CYSTM1: variants seen among roughly 807,000 people sequenced by gnomAD.
CYSTM1 encodes cysteine rich transmembrane module containing 1, also known as cysteine-rich transmembrane module-containing protein 1.
In CYSTM1, 4 loss-of-function variants were observed where a neutral mutation model predicts 13.1. The ratio of observed to expected loss-of-function variants is 0.31; its 90% CI spans 0.15 to 0.70. CYSTM1 has a LOEUF of 0.70. Among genes scored for constraint, CYSTM1 ranks in the 30% least tolerant of loss-of-function variants. The pLI, the probability that CYSTM1 is intolerant of heterozygous loss-of-function variation, is 0.72. For synonymous variants in CYSTM1, 36 were observed against 42.7 expected, an observed-to-expected ratio of 0.84 and a Z score of 0.62; for missense variants, 96 against 121.6, an observed-to-expected ratio of 0.79 and a Z score of 0.99.
At chr5:140,233,034 A>C (rs1483061662) in intron 2 of CYSTM1, among the ~76,000 whole-genome samples, 2 of 152,146 alleles carry the variant, frequency 1.3e-5, no homozygotes, top group Non-Finnish European at 2.9e-5. Flanking sequence ...CATGACCACC[A>C]TTACAGATTT....
chr5:140,233,226 CAGG>C (rs1764637215), intron 2 of CYSTM1, among the ~76,000 whole-genome samples: 1 of 152,192 alleles, frequency 6.6e-6, no homozygotes, highest in Non-Finnish European at 1.5e-5. Context: ...CATTTGGCCA[CAGG>C]AGATTTGGGA....
chr5:140,226,505 A>ATATTTATATATATATAATATATAT (rs1491024017), intron 2 of CYSTM1, among the ~76,000 whole-genome samples: 68 of 80,444 alleles, frequency 8.5e-4, no homozygotes, highest in African/African-American at 2.7e-3. Context: ...AATATATATA[A>ATATTTATATATATATAATATATAT]ATATATATTA....
At position 140,188,778 on chromosome 5, in the gene CYSTM1, C is replaced by CAAA. The variant is rs34915397; in HGVS notation, c.-20-5652_-20-5650dup. On this transcript the variant is annotated intron_variant, in intron 1 of 2. Coordinates refer to ENST00000261811, the MANE Select transcript of CYSTM1 (RefSeq NM_032412.4). ...TGGGTGGAAGAGCGAGACTCCGTCT[C>CAAA]AAAAAAAAAAAAAAAAAAGAAATAC... Among the ~76,000 whole-genome samples the CAAA allele has an allele frequency of 1.6e-3, 183 of 113,218 alleles. 3 individuals are homozygous for CAAA. The East Asian group carries it at 0.017, about 11-fold the overall frequency. 74.3% of individuals were successfully genotyped at this position (113,218 alleles called of 152,430 possible).
chr5:140,184,094 T>TAATATA (rs3083573), intron 1 of CYSTM1, among the ~76,000 whole-genome samples: 117,129 of 151,574 alleles, frequency 0.77, 45,707 homozygotes, highest in African/African-American at 0.86. Context: ...AAAGTATGTA[T>TAATATA]AATGTACAGT....
At position 140,237,457 on chromosome 5, in the gene CYSTM1, C is replaced by T. The variant is rs867730330; in HGVS notation, c.188-5848C>T. On this transcript the variant is annotated intron_variant, in intron 2 of 2. Coordinates refer to ENST00000261811, the MANE Select transcript of CYSTM1 (RefSeq NM_032412.4). ...CAGGCCAGGACCTGCCTCTAATTCACTATGTGACCTCAGTCAACTTCTTTC... is the reference window on the plus strand; with the variant it reads ...CAGGCCAGGACCTGCCTCTAATTCATTATGTGACCTCAGTCAACTTCTTTC... 2.0e-5 allele frequency among the ~76,000 whole-genome samples: 3 copies of T among 152,216 alleles called. No homozygotes were observed. The South Asian group carries it at 6.2e-4, about 31-fold the overall frequency.
chr5:140,226,209 T>G (rs954025992), intron 2 of CYSTM1, among the ~76,000 whole-genome samples: 1 of 152,126 alleles, frequency 6.6e-6, no homozygotes, highest in Non-Finnish European at 1.5e-5. Context: ...GGGGTATAGA[T>G]TACTAATATT....
intron 2 of CYSTM1, among the ~76,000 whole-genome samples, chr5:140,197,064 G>A (rs770497852): frequency 2.6e-5 from 4 of 152,180 alleles, no homozygotes; most frequent in Admixed American, 1.3e-4. Context: ...CCCAATGCCT[G>A]CCTGGTGTTA....
chr5:140,237,744 A>G (rs1764699092), intron 2 of CYSTM1, among the ~76,000 whole-genome samples: 1 of 152,086 alleles, frequency 6.6e-6, no homozygotes, highest in African/African-American at 2.4e-5. Flanking sequence ...TATTGGGTCT[A>G]CTGTTCACAG....
At chr5:140,212,983 G>GTGTATATATATATATATATATATGTA (rs1405430820) in intron 2 of CYSTM1, among the ~76,000 whole-genome samples, 1 of 114,294 alleles carries the variant, frequency 8.7e-6, no homozygotes, top group Non-Finnish European at 1.8e-5. Flanking sequence ...CAAAACAAAA[G>GTGTATATATATATATATATATATGTA]TATATATATA....
At chr5:140,211,083 G>T (rs1337261418) in intron 2 of CYSTM1, among the ~76,000 whole-genome samples, 2 of 152,142 alleles carry the variant, frequency 1.3e-5, no homozygotes, top group Non-Finnish European at 2.9e-5. Context: ...GGGGCCAGTG[G>T]TTTAAGTTTT....
intron 1 of CYSTM1, among the ~76,000 whole-genome samples, chr5:140,179,428 A>G (rs1230195633): frequency 1.3e-5 from 2 of 151,572 alleles, no homozygotes; most frequent in African/African-American, 4.8e-5. Context: ...GCATGGTGGC[A>G]TACGCCTGTA....
chr5:140,197,508 G>A (rs957861023), intron 2 of CYSTM1, among the ~76,000 whole-genome samples: 3 of 152,100 alleles, frequency 2.0e-5, no homozygotes, highest in African/African-American at 7.2e-5. Flanking sequence ...AGTGCCAAAT[G>A]GTCAAATTTT....
chr5:140,208,330 G>A (rs1168627106), intron 2 of CYSTM1, among the ~76,000 whole-genome samples: 1 of 152,230 alleles, frequency 6.6e-6, no homozygotes, highest in East Asian at 1.9e-4. Context: ...AGTGAAATAA[G>A]CTAGGCACAA....
At chr5:140,188,347 C>T (rs1175890354) in intron 1 of CYSTM1, among the ~76,000 whole-genome samples, 3 of 152,072 alleles carry the variant, frequency 2.0e-5, no homozygotes, top group African/African-American at 7.2e-5. Context: ...CTCAGCCTCC[C>T]AAGTCACTGA....
chr5:140,232,270 A>G (rs944550988), intron 2 of CYSTM1, among the ~76,000 whole-genome samples: 3 of 152,190 alleles, frequency 2.0e-5, no homozygotes, highest in Admixed American at 6.5e-5. Context: ...CAGGTAAGCA[A>G]TTGTATATAA....
In CYSTM1 at chr5:140,230,701, T is replaced by C. The variant is rs893180342; in HGVS notation, c.188-12604T>C. Among the ~76,000 whole-genome samples, 1 of 152,234 alleles carries C rather than the reference T, an allele frequency of 6.6e-6. No individual in the cohort carries two copies. The highest frequency in any genetic ancestry group is 2.4e-5 in the African/African-American group (1 of 41,462). ...CTCATAAGCAGAGGCGTTTCAGTGT[T>C]TCAGCAAGTTGTTTCTTGACTGCCA... On this transcript the variant is annotated intron_variant, in intron 2 of 2. Transcript: ENST00000261811. The surrounding 1 kb of genome is among the most constrained non-coding windows in gnomAD (Gnocchi z 4.1).
chr5:140,234,421 T>G (rs1764653898), intron 2 of CYSTM1, among the ~76,000 whole-genome samples: 1 of 152,232 alleles, frequency 6.6e-6, no homozygotes, highest in Admixed American at 6.5e-5. Flanking sequence ...TAGAATTTGT[T>G]TATCTTTATC....
At chr5:140,195,372 T>A (rs1035148409) in intron 2 of CYSTM1, among the ~76,000 whole-genome samples, 2 of 151,934 alleles carry the variant, frequency 1.3e-5, no homozygotes, top group African/African-American at 2.4e-5. Flanking sequence ...CTGTGCTAGA[T>A]GTCTTGGTCA....
chr5:140,211,173 C>T (rs1364682208), intron 2 of CYSTM1, among the ~76,000 whole-genome samples: 1 of 152,182 alleles, frequency 6.6e-6, no homozygotes, highest in African/African-American at 2.4e-5. Context: ...GTGTCAAGCA[C>T]TTTTGTATAT....
Sources: gnomAD v4.1 joint callset for allele counts (sites outside exome capture counted in the v4.1 genomes callset) on GRCh38, gnomAD v4.1.1 for gene constraint, Gnocchi (gnomAD v3.1) non-coding constraint, MANE v1.5 for transcripts, NCBI Gene and HGNC (gene_info 2026-07-23, HGNC 2026-07-21) for gene names.